FAF1: variants seen among roughly 807,000 people sequenced by gnomAD.
FAF1 encodes the protein FAS-associated factor 1.
A neutral mutation model predicts 92.5 loss-of-function variants in FAF1; 25 were observed. That is an observed-to-expected ratio of 0.27 (90% CI 0.20 to 0.38). The LOEUF (loss-of-function observed/expected upper bound fraction) is 0.38. Among genes scored for constraint, FAF1 ranks in the 10% least tolerant of loss-of-function variants. FAF1 has a pLI of 1.00. For missense variants in FAF1, 636 were observed against 793.3 expected (o/e 0.80, Z 2.38); for synonymous variants, 234 against 273.2 (o/e 0.86, Z 1.42).
intron 18 of FAF1, among the ~76,000 whole-genome samples, chr1:50,449,744 T>C (rs1054637599): frequency 3.3e-5 from 5 of 151,708 alleles, no homozygotes; most frequent in African/African-American, 4.8e-5. Flanking sequence ...CGCCTCGGCC[T>C]CCCAAAGTGC....
At chr1:50,825,209 G>T (rs1029761876) in intron 2 of FAF1, among the ~76,000 whole-genome samples, 3 of 152,020 alleles carry the variant, frequency 2.0e-5, no homozygotes, top group African/African-American at 7.2e-5. Context: ...AATACCACAT[G>T]CAACCCATAA....
At chr1:50,690,849 G>T (rs904452492) in intron 7 of FAF1, among the ~76,000 whole-genome samples, 6 of 151,936 alleles carry the variant, frequency 3.9e-5, no homozygotes, top group Non-Finnish European at 4.4e-5. Flanking sequence ...GGCTTTTTGT[G>T]TTTAGTTTCT....
At chr1:50,824,823 A>G (rs1644080277) in intron 2 of FAF1, among the ~76,000 whole-genome samples, 1 of 152,168 alleles carries the variant, frequency 6.6e-6, no homozygotes, top group South Asian at 2.1e-4. Flanking sequence ...GAAGAACATT[A>G]TATTAAGTGA....
At chr1:50,827,955 T>G (rs1418231825) in intron 2 of FAF1, among the ~76,000 whole-genome samples, 1 of 152,164 alleles carries the variant, frequency 6.6e-6, no homozygotes, top group Non-Finnish European at 1.5e-5. Context: ...AAATCTGATA[T>G]GATCTCAATT....
rs1558000811 is a variant in FAF1 at position 50,574,896 on chromosome 1, C to CTGTTTTT, written c.1114-7666_1114-7665insAAAAACA. 2.6e-4 allele frequency among the ~76,000 whole-genome samples: 32 copies of CTGTTTTT among 122,908 alleles called. 3 individuals carry two copies. The highest frequency in any genetic ancestry group is 1.0e-3 in the African/African-American group (31 of 30,798). 80.6% of individuals were successfully genotyped at this position (122,908 alleles called of 152,430 possible). ...GTTTAAGCATATAGAGTTGTATTAACTCTTTTTTTTTTTTTTTTTTTTTTT... is the reference window on the plus strand; with the variant it reads ...GTTTAAGCATATAGAGTTGTATTAACTGTTTTTTCTTTTTTTTTTTTTTTTTTTTTTT... On this transcript the variant is annotated intron_variant, in intron 12 of 18. Coordinates refer to ENST00000396153, the MANE Select transcript of FAF1 (RefSeq NM_007051.3).
chr1:50,898,873 G>A (rs976369601), intron 1 of FAF1, among the ~76,000 whole-genome samples: 1 of 152,090 alleles, frequency 6.6e-6, no homozygotes, highest in African/African-American at 2.4e-5. Flanking sequence ...TGACTTCTTT[G>A]ATATGTTGGT....
At chr1:50,781,343 G>A (rs1218924682) in intron 4 of FAF1, among the ~76,000 whole-genome samples, 1 of 151,610 alleles carries the variant, frequency 6.6e-6, no homozygotes, top group Non-Finnish European at 1.5e-5. Flanking sequence ...GTAATAAAAA[G>A]AAAGTAGGGG....
At chr1:50,885,930 T>G (rs1026060972) in intron 1 of FAF1, among the ~76,000 whole-genome samples, 3 of 152,114 alleles carry the variant, frequency 2.0e-5, no homozygotes, top group Non-Finnish European at 2.9e-5. Flanking sequence ...GATAACAACT[T>G]GAAACTGTTT....
At chr1:50,450,293 A>G (rs1646280353) in intron 18 of FAF1, among the ~76,000 whole-genome samples, 1 of 152,028 alleles carries the variant, frequency 6.6e-6, no homozygotes, top group African/African-American at 2.4e-5. Context: ...CAACAATTCT[A>G]TGAGATAAGT....
chr1:50,617,094 A>G (rs1489852264), intron 8 of FAF1, among the ~76,000 whole-genome samples: 1 of 152,260 alleles, frequency 6.6e-6, no homozygotes, highest in Admixed American at 6.5e-5. Flanking sequence ...GCAAAGAGAT[A>G]CAGTTTGACT....
chr1:50,917,027 C>T (rs544122604), intron 1 of FAF1, among the ~76,000 whole-genome samples: 44 of 152,198 alleles, frequency 2.9e-4, no homozygotes, highest in African/African-American at 9.9e-4. Flanking sequence ...ATCTATCACC[C>T]TAAGAGAATC....
chr1:50,616,470 T>C (rs1215336647), intron 8 of FAF1, among the ~76,000 whole-genome samples: 3 of 152,180 alleles, frequency 2.0e-5, no homozygotes, highest in Non-Finnish European at 4.4e-5. Context: ...AATGCATGAC[T>C]ATGAATTGTT....
chr1:50,676,913 A>G lies in FAF1; in HGVS notation c.658-21385T>C, dbSNP rs535938690. 1.1e-4 allele frequency among the ~76,000 whole-genome samples: 16 copies of G among 152,300 alleles called. No individual in the cohort carries two copies. The South Asian group carries it at 3.3e-3, about 32-fold the overall frequency. On this transcript the variant is annotated intron_variant, in intron 7 of 18. Coordinates refer to ENST00000396153, the MANE Select transcript of FAF1 (RefSeq NM_007051.3). ...AGTACATACTTTTAACCAATATGCT[A>G]TGCTGCCTCTCTCCATTCTATTCCA...
chr1:50,519,326 C>T (rs1009261567), intron 15 of FAF1, among the ~76,000 whole-genome samples: 7 of 131,292 alleles, frequency 5.3e-5, no homozygotes, highest in Admixed American at 2.8e-4. Context: ...GAGACTGTCT[C>T]GAAAGAAAGA....
chr1:50,454,324 T>C (rs1646328015), intron 18 of FAF1, among the ~76,000 whole-genome samples: 1 of 152,248 alleles, frequency 6.6e-6, no homozygotes, highest in Non-Finnish European at 1.5e-5. Context: ...CCACCTAGAC[T>C]GTCCTCCCTC....
chr1:50,874,124 C>T (rs1644550911), intron 1 of FAF1, among the ~76,000 whole-genome samples: 1 of 152,106 alleles, frequency 6.6e-6, no homozygotes, highest in African/African-American at 2.4e-5. Flanking sequence ...TGACAATTGT[C>T]TATTTTTGCT....
chr1:50,747,276 T>C (rs1659669582), intron 4 of FAF1, among the ~76,000 whole-genome samples: 1 of 152,186 alleles, frequency 6.6e-6, no homozygotes, highest in Non-Finnish European at 1.5e-5. Context: ...CCATGGAAGC[T>C]GAACACTTCC....
intron 18 of FAF1, among the ~76,000 whole-genome samples, chr1:50,455,947 C>T (rs1452424938): frequency 3.3e-5 from 5 of 152,226 alleles, no homozygotes; most frequent in African/African-American, 1.2e-4. Context: ...AGATGGCATG[C>T]ACCTGTAATC....
chr1:50,877,700 AC>A (rs1215627134), intron 1 of FAF1, among the ~76,000 whole-genome samples: 2 of 151,908 alleles, frequency 1.3e-5, no homozygotes, highest in African/African-American at 4.8e-5. Context: ...TTTTCTAAGT[AC>A]CCTCCTGGCC....
Sources: allele counts gnomAD v4.1 joint callset (sites outside exome capture counted in the v4.1 genomes callset), GRCh38; gene constraint gnomAD v4.1.1; transcripts MANE v1.5; gene names NCBI Gene and HGNC (gene_info 2026-07-23, HGNC 2026-07-21).